The following ENOX1 variants were observed in gnomAD, a reference collection of about 807,000 sequenced individuals.
ENOX1 encodes the protein ecto-NOX disulfide-thiol exchanger 1, also known as candidate growth-related and time keeping constitutive hydroquinone (NADH) oxidase.
In ENOX1, 42 loss-of-function variants were observed where a neutral mutation model predicts 82.5. That is an observed-to-expected ratio of 0.51 (90% confidence interval 0.40 to 0.66). The LOEUF (loss-of-function observed/expected upper bound fraction) is 0.66. Among genes scored for constraint, ENOX1 ranks in the 30% least tolerant of loss-of-function variants. The pLI is 0.00. For missense variants in ENOX1, 608 were observed against 811.6 expected (o/e 0.75, Z 3.05); for synonymous variants, 271 against 282.2 (o/e 0.96, Z 0.40).
intron 5 of ENOX1, among the ~76,000 whole-genome samples, chr13:43,387,517 C>T (rs1438549954): frequency 2.0e-5 from 3 of 152,020 alleles, no homozygotes; most frequent in Non-Finnish European, 4.4e-5. Context: ...ACAGGGGATT[C>T]CCAAGGGCCT....
At chr13:43,294,989 G>C (rs1221715182) in intron 12 of ENOX1, among the ~76,000 whole-genome samples, 4 of 152,190 alleles carry the variant, frequency 2.6e-5, no homozygotes, top group Non-Finnish European at 5.9e-5. Flanking sequence ...GGGGCAAGAG[G>C]CAGCGAGTGC....
chr13:43,586,348 T>C (rs1019055307), intron 2 of ENOX1, among the ~76,000 whole-genome samples: 4 of 152,280 alleles, frequency 2.6e-5, no homozygotes, highest in Admixed American at 2.6e-4. Flanking sequence ...CCAACTGTAA[T>C]GTCTGCTTCC....
At chr13:43,697,314 G>C (rs559382906) in intron 1 of ENOX1, among the ~76,000 whole-genome samples, 1 of 152,174 alleles carries the variant, frequency 6.6e-6, no homozygotes, top group Non-Finnish European at 1.5e-5. Flanking sequence ...GGAACACAGG[G>C]AGAAGAAAAG....
intron 5 of ENOX1, among the ~76,000 whole-genome samples, chr13:43,373,337 C>T (rs1343125755): frequency 2.0e-5 from 3 of 152,002 alleles, no homozygotes; most frequent in Non-Finnish European, 4.4e-5. Context: ...AATCAGAAAC[C>T]TCCTCTTTCT....
intron 2 of ENOX1, among the ~76,000 whole-genome samples, chr13:43,638,713 G>C (rs1230760253): frequency 6.6e-6 from 1 of 152,134 alleles, no homozygotes; most frequent in Admixed American, 6.5e-5. Context: ...GTGTGTTAAT[G>C]CATGTGTTTG....
chr13:43,282,689 G>T (rs1166362103), intron 12 of ENOX1, among the ~76,000 whole-genome samples: 1 of 151,972 alleles, frequency 6.6e-6, no homozygotes, highest in Non-Finnish European at 1.5e-5. Flanking sequence ...TTCCCAAAGC[G>T]CTGGGATTAC....
intron 2 of ENOX1, among the ~76,000 whole-genome samples, chr13:43,611,862 A>G (rs909520739): frequency 6.6e-6 from 1 of 152,180 alleles, no homozygotes; most frequent in Non-Finnish European, 1.5e-5. Flanking sequence ...GCTCTTTTCT[A>G]TGAGTTCACA....
chr13:43,560,620 G>T (rs1434766699), intron 2 of ENOX1, among the ~76,000 whole-genome samples: 3 of 152,078 alleles, frequency 2.0e-5, no homozygotes, highest in Non-Finnish European at 4.4e-5. Flanking sequence ...AGAGAAATTA[G>T]CCCATCATCT....
intron 2 of ENOX1, among the ~76,000 whole-genome samples, chr13:43,587,687 C>T (rs1403868086): frequency 6.6e-6 from 1 of 152,168 alleles, no homozygotes; most frequent in Non-Finnish European, 1.5e-5. Flanking sequence ...ACTTGATGTT[C>T]CACTTCATAA....
Position 43,431,896 on chromosome 13 carries a change from C to G in ENOX1, c.-74-18908G>C, listed in dbSNP as rs2055692744. On this transcript the variant is annotated intron_variant, in intron 3 of 16. Transcript: ENST00000690772. Reference sequence around the variant, plus strand: ...CCAACCAATCCAGATCCCAGACCCTCGAACACCTCCTTTACTGGCTCTCAG... The same window carrying G: ...CCAACCAATCCAGATCCCAGACCCTGGAACACCTCCTTTACTGGCTCTCAG... 2.6e-5 allele frequency among the ~76,000 whole-genome samples: 4 copies of G among 152,162 alleles called. No homozygotes were observed. In the South Asian group the frequency reaches 6.2e-4, roughly 24 times the overall value.
At chr13:43,653,316 T>C (rs1424094249) in intron 2 of ENOX1, among the ~76,000 whole-genome samples, 1 of 152,202 alleles carries the variant, frequency 6.6e-6, no homozygotes, top group African/African-American at 2.4e-5. Context: ...ATTCTAACCT[T>C]TAGCATTATG....
chr13:43,539,467 T>C (rs889977507), intron 2 of ENOX1, among the ~76,000 whole-genome samples: 2 of 152,224 alleles, frequency 1.3e-5, no homozygotes, highest in East Asian at 1.9e-4. Flanking sequence ...TTTTTAAACA[T>C]AGAAATATTC....
At chr13:43,501,456 A>C (rs1265170683) in intron 2 of ENOX1, among the ~76,000 whole-genome samples, 1 of 151,786 alleles carries the variant, frequency 6.6e-6, no homozygotes, top group Non-Finnish European at 1.5e-5. Flanking sequence ...CAGTAGAGCA[A>C]ACATTGTTCT....
intron 12 of ENOX1, among the ~76,000 whole-genome samples, chr13:43,282,453 T>C (rs1038523410): frequency 1.0e-5 from 1 of 100,048 alleles, no homozygotes; most frequent in South Asian, 2.9e-4. Context: ...TTCTTTTTTC[T>C]TTTTTTTTTT....
chr13:43,347,780 C>T (rs975858951), intron 8 of ENOX1, among the ~76,000 whole-genome samples: 2 of 152,138 alleles, frequency 1.3e-5, no homozygotes, highest in African/African-American at 2.4e-5. Context: ...ATAAAAATTC[C>T]AAATACTTTC....
chr13:43,621,186 T>C (rs1436980568), intron 2 of ENOX1, among the ~76,000 whole-genome samples: 2 of 152,200 alleles, frequency 1.3e-5, no homozygotes, highest in Non-Finnish European at 2.9e-5. Flanking sequence ...TGAGTTCTTA[T>C]CCATTCTGTG....
At chr13:43,342,256 G>T (rs991354048) in intron 9 of ENOX1, among the ~76,000 whole-genome samples, 7 of 152,130 alleles carry the variant, frequency 4.6e-5, no homozygotes, top group Admixed American at 3.3e-4. Context: ...GCCTGACTTG[G>T]GTGGTGGCGG....
chr13:43,361,923 G>A (rs2050537002), intron 5 of ENOX1, among the ~76,000 whole-genome samples: 2 of 150,070 alleles, frequency 1.3e-5, no homozygotes, highest in East Asian at 2.0e-4. Flanking sequence ...CAATTTATAT[G>A]TGCATACTTT....
chr13:43,626,688 GT>G (rs566987627), intron 2 of ENOX1, among the ~76,000 whole-genome samples: 355 of 151,882 alleles, frequency 2.3e-3, no homozygotes, highest in African/African-American at 8.3e-3. Context: ...TATATTAAGG[GT>G]TTTTAAAATC....
Sources: allele counts gnomAD v4.1 joint callset (sites outside exome capture counted in the v4.1 genomes callset), GRCh38; gene constraint gnomAD v4.1.1; transcripts MANE v1.5; gene names NCBI Gene and HGNC (gene_info 2026-07-23, HGNC 2026-07-21).